MAGI2: variants seen among roughly 807,000 people sequenced by gnomAD.
MAGI2 encodes membrane-associated guanylate kinase, WW and PDZ domain-containing protein 2.
A neutral mutation model predicts 133.3 loss-of-function variants in MAGI2; 35 were observed. The observed-to-expected ratio is 0.26, with a 90% CI of 0.20 to 0.35. The LOEUF (loss-of-function observed/expected upper bound fraction) is 0.35, where lower values mean the gene tolerates loss of function less well. MAGI2 is among the 10% of genes least tolerant of loss of function. The probability of loss-of-function intolerance (pLI) is 1.00; values close to 1 mark genes in which losing one functional copy is unlikely to be tolerated. For missense variants in MAGI2, 1,636 were observed against 1,863.4 expected, an observed-to-expected ratio of 0.88 and a Z score of 2.25; for synonymous variants, 729 against 710.6, an observed-to-expected ratio of 1.03 and a Z score of -0.41.
intron 1 of MAGI2, among the ~76,000 whole-genome samples, chr7:79,389,340 G>T (rs1208833494): frequency 6.6e-6 from 1 of 151,986 alleles, no homozygotes; most frequent in Non-Finnish European, 1.5e-5. Context: ...TAGCTAAATT[G>T]CAAAATTCCT....
At chr7:78,362,105 CA>C in intron 7 of MAGI2, among the ~76,000 whole-genome samples, 1 of 152,118 alleles carries the variant, frequency 6.6e-6, no homozygotes, top group Middle Eastern at 3.4e-3. Flanking sequence ...AGTTTGAGAC[CA>C]GCCTGGACAA....
chr7:78,999,654 C>T (rs1396681588), intron 2 of MAGI2, among the ~76,000 whole-genome samples: 1 of 152,204 alleles, frequency 6.6e-6, no homozygotes, highest in Non-Finnish European at 1.5e-5. Context: ...CAAGGGCATA[C>T]ATCGAGATGA....
chr7:78,591,649 G>C (rs966050), intron 3 of MAGI2, among the ~76,000 whole-genome samples: 111,737 of 152,150 alleles, frequency 0.73, 41,507 homozygotes, highest in Middle Eastern at 0.78. Context: ...GGGTAAACCT[G>C]TCCTAATGGA....
chr7:79,208,359 A>T (rs1318309159), intron 1 of MAGI2, among the ~76,000 whole-genome samples: 1 of 151,928 alleles, frequency 6.6e-6, no homozygotes, highest in African/African-American at 2.4e-5. Context: ...CAAACAAAAA[A>T]CCAATTACAG....
At chr7:78,481,056 G>A (rs938584363) in intron 6 of MAGI2, among the ~76,000 whole-genome samples, 5 of 151,866 alleles carry the variant, frequency 3.3e-5, no homozygotes, top group African/African-American at 1.2e-4. Flanking sequence ...TGTAGTTCTA[G>A]AAAAGCTTCT....
chr7:78,885,766 G>A (rs1351383374), intron 2 of MAGI2, among the ~76,000 whole-genome samples: 1 of 152,068 alleles, frequency 6.6e-6, no homozygotes, highest in East Asian at 1.9e-4. Context: ...TCTCATAGAT[G>A]TGGAGTAAAA....
chr7:79,398,743 T>TTC (rs1393501815), intron 1 of MAGI2, among the ~76,000 whole-genome samples: 4 of 152,186 alleles, frequency 2.6e-5, no homozygotes, highest in Non-Finnish European at 5.9e-5. Flanking sequence ...ATTAGTTCAT[T>TTC]TAAACTGTCA....
At chr7:78,478,910 G>GTA (rs1792064933) in intron 6 of MAGI2, among the ~76,000 whole-genome samples, 1 of 151,942 alleles carries the variant, frequency 6.6e-6, no homozygotes, top group Admixed American at 6.6e-5. Context: ...GGCAAGGAAA[G>GTA]GGGGAGAGTA....
chr7:79,135,628 A>T (rs1350080673), intron 1 of MAGI2, among the ~76,000 whole-genome samples: 1 of 152,086 alleles, frequency 6.6e-6, no homozygotes, highest in Non-Finnish European at 1.5e-5. Context: ...CCTCCATCTG[A>T]AAAACAATCT....
intron 6 of MAGI2, among the ~76,000 whole-genome samples, chr7:78,442,194 C>T (rs1004182626): frequency 1.3e-5 from 2 of 152,198 alleles, no homozygotes; most frequent in Non-Finnish European, 2.9e-5. Context: ...ATATTCTCCT[C>T]GACAGCCCTT....
At chr7:78,257,575 C>T (rs1024077494) in intron 9 of MAGI2, among the ~76,000 whole-genome samples, 2 of 152,136 alleles carry the variant, frequency 1.3e-5, no homozygotes, top group African/African-American at 4.8e-5. Flanking sequence ...AAAATATATT[C>T]AGAGAAATAT....
At chr7:79,173,547 G>T (rs1431705729) in intron 1 of MAGI2, among the ~76,000 whole-genome samples, 1 of 151,894 alleles carries the variant, frequency 6.6e-6, no homozygotes, top group Non-Finnish European at 1.5e-5. Context: ...TCCCAGACTG[G>T]TCTTGAACTC....
chr7:78,263,019 C>T (rs1793661788), intron 9 of MAGI2, among the ~76,000 whole-genome samples: 1 of 152,120 alleles, frequency 6.6e-6, no homozygotes. Flanking sequence ...CTATCGTTGC[C>T]ATCTTTATGT....
intron 15 of MAGI2, among the ~76,000 whole-genome samples, chr7:78,163,160 C>A (rs187404683): frequency 1.3e-5 from 2 of 152,064 alleles, no homozygotes; most frequent in Non-Finnish European, 2.9e-5. Context: ...TGTTTTGAGA[C>A]AGAGTCTCAC....
chr7:78,986,212 A>T (rs937713387), intron 2 of MAGI2, among the ~76,000 whole-genome samples: 10 of 152,124 alleles, frequency 6.6e-5, no homozygotes, highest in Non-Finnish European at 1.3e-4. Context: ...TCCATGAAGA[A>T]TGTAAATAAA....
intron 1 of MAGI2, among the ~76,000 whole-genome samples, chr7:79,186,194 ATATATATATATATATATATATATATAT>A (rs1159534686): frequency 0.03 from 24 of 796 alleles, no homozygotes; most frequent in Non-Finnish European, 0.093. Flanking sequence ...CTGGGAAAAT[ATATATATATATATATATATATATATAT>A]ATATATATAT....
intron 3 of MAGI2, among the ~76,000 whole-genome samples, chr7:78,593,168 G>T (rs1043841223): frequency 6.6e-6 from 1 of 151,066 alleles, no homozygotes; most frequent in Non-Finnish European, 1.5e-5. Flanking sequence ...AGATGAGGGC[G>T]GATCACGAGG....
intron 6 of MAGI2, among the ~76,000 whole-genome samples, chr7:78,454,285 C>T (rs1405641203): frequency 6.6e-6 from 1 of 152,174 alleles, no homozygotes; most frequent in Non-Finnish European, 1.5e-5. Context: ...GATCCATAGA[C>T]TCTACCAAGA....
chr7:78,839,166 A>C (rs986253061), intron 2 of MAGI2, among the ~76,000 whole-genome samples: 1 of 151,998 alleles, frequency 6.6e-6, no homozygotes, highest in African/African-American at 2.4e-5. Flanking sequence ...GAGACTTACA[A>C]ATTTATAGGC....
Sources: allele counts gnomAD v4.1 joint callset (sites outside exome capture counted in the v4.1 genomes callset), GRCh38; gene constraint gnomAD v4.1.1; transcripts MANE v1.5; gene names NCBI Gene and HGNC (gene_info 2026-07-23, HGNC 2026-07-21).